QTMAN: variants seen among roughly 807,000 people sequenced by gnomAD.
The protein encoded by QTMAN is queuosine-tRNA mannosyltransferase.
At chr2:144,268,817 T>A in the QTMAN span, among the ~76,000 whole-genome samples, 1 of 152,180 alleles carries the variant, frequency 6.6e-6, no homozygotes, top group African/African-American at 2.4e-5. Flanking sequence ...GTTTTTTGAC[T>A]CTCGCTCTGT....
At chr2:144,330,989 C>G in the QTMAN span, among the ~76,000 whole-genome samples, 1 of 152,188 alleles carries the variant, frequency 6.6e-6, no homozygotes, top group African/African-American at 2.4e-5. Context: ...CCTTTGCAAA[C>G]TGGTGATGTT....
At chr2:144,276,158 T>C in the QTMAN span, among the ~76,000 whole-genome samples, 1 of 152,000 alleles carries the variant, frequency 6.6e-6, no homozygotes. Flanking sequence ...AAGAAAGGTG[T>C]CTACTCAAGG....
the QTMAN span, among the ~76,000 whole-genome samples, chr2:144,060,050 T>C: frequency 6.6e-6 from 1 of 152,206 alleles, no homozygotes; most frequent in Non-Finnish European, 1.5e-5. Context: ...GTGCTTGTCT[T>C]TGTTTTTCCT....
At chr2:144,249,781 A>G in the QTMAN span, among the ~76,000 whole-genome samples, 1 of 152,212 alleles carries the variant, frequency 6.6e-6, no homozygotes, top group Non-Finnish European at 1.5e-5. Flanking sequence ...CAAAACCAAA[A>G]ATGTCAGGGA....
chr2:144,008,070 A>T, the QTMAN span, among the ~76,000 whole-genome samples: 1 of 152,038 alleles, frequency 6.6e-6, no homozygotes, highest in South Asian at 2.1e-4. Context: ...TTTCTCTCCT[A>T]TCTTTCCAGG....
chr2:144,156,089 C>T, the QTMAN span, among the ~76,000 whole-genome samples: 5 of 152,028 alleles, frequency 3.3e-5, no homozygotes, highest in Non-Finnish European at 7.4e-5. Context: ...GTATTTGCTT[C>T]AAGTTTGCTT....
the QTMAN span, among the ~76,000 whole-genome samples, chr2:143,962,473 G>A: frequency 6.6e-6 from 1 of 152,142 alleles, no homozygotes; most frequent in Admixed American, 6.6e-5. Context: ...AGTTCATCCT[G>A]CAGAAAATCT....
chr2:144,081,130 A>G, the QTMAN span, among the ~76,000 whole-genome samples: 1 of 152,186 alleles, frequency 6.6e-6, no homozygotes, highest in Admixed American at 6.5e-5. Flanking sequence ...CTATCAAGTC[A>G]GGCTTTTGTA....
chr2:144,248,639 C>A, the QTMAN span, among the ~76,000 whole-genome samples: 1 of 152,096 alleles, frequency 6.6e-6, no homozygotes, highest in Non-Finnish European at 1.5e-5. Context: ...AGGACAGTGT[C>A]TAACCCACCA....
chr2:144,155,348 A>C, the QTMAN span, among the ~76,000 whole-genome samples: 33 of 152,302 alleles, frequency 2.2e-4, no homozygotes, highest in African/African-American at 7.5e-4. Flanking sequence ...TTGAAGAAGT[A>C]AGTCAATTAA....
chr2:144,283,504 C>T, the QTMAN span, among the ~76,000 whole-genome samples: 9 of 152,096 alleles, frequency 5.9e-5, no homozygotes, highest in Middle Eastern at 3.4e-3. Flanking sequence ...TTGTATTGTA[C>T]TTTTCTGTGA....
At chr2:144,170,435 T>G in the QTMAN span, among the ~76,000 whole-genome samples, 2 of 152,124 alleles carry the variant, frequency 1.3e-5, no homozygotes, top group African/African-American at 4.8e-5. Context: ...ACAGAGGTGA[T>G]GTGGAGTGGC....
the QTMAN span, among the ~76,000 whole-genome samples, chr2:144,327,422 AT>A: frequency 6.6e-6 from 1 of 152,196 alleles, no homozygotes; most frequent in Non-Finnish European, 1.5e-5. Flanking sequence ...AAGGCAGAAA[AT>A]TAAACACTTG....
the QTMAN span, among the ~76,000 whole-genome samples, chr2:143,979,300 C>G: frequency 6.6e-6 from 1 of 151,910 alleles, no homozygotes; most frequent in Non-Finnish European, 1.5e-5. Context: ...AAAAGAAGAA[C>G]CAAACTTCAG....
the QTMAN span, among the ~76,000 whole-genome samples, chr2:144,330,337 A>G: frequency 6.6e-6 from 1 of 152,202 alleles, no homozygotes; most frequent in African/African-American, 2.4e-5. Context: ...CCTAGGTGTG[A>G]AGTAGGCTAT....
the QTMAN span, among the ~76,000 whole-genome samples, chr2:144,080,688 ACT>A: frequency 6.6e-6 from 1 of 152,194 alleles, no homozygotes; most frequent in Non-Finnish European, 1.5e-5. Flanking sequence ...GTGAACATAG[ACT>A]AAAAACTACT....
the QTMAN span, among the ~76,000 whole-genome samples, chr2:143,991,921 C>T: frequency 2.7e-5 from 4 of 150,454 alleles, no homozygotes; most frequent in Non-Finnish European, 5.9e-5. Context: ...GGGGGGTCAG[C>T]CCCCCGCCCG....
At chr2:143,942,443 C>A in the QTMAN span, 1 of 167,586 alleles carries the variant, frequency 6.0e-6, no homozygotes. Flanking sequence ...GCTCCTGCGT[C>A]TTAAAGAGGA....
At chr2:143,986,384 C>T in the QTMAN span, among the ~76,000 whole-genome samples, 1 of 152,198 alleles carries the variant, frequency 6.6e-6, no homozygotes, top group Non-Finnish European at 1.5e-5. Context: ...TATTGGAATA[C>T]GTTCATAATT....
Sources: allele counts gnomAD v4.1 joint callset (sites outside exome capture counted in the v4.1 genomes callset), GRCh38; gene constraint gnomAD v4.1.1; transcripts MANE v1.5; gene names NCBI Gene and HGNC (gene_info 2026-07-23, HGNC 2026-07-21).